The following EYS variants were observed in gnomAD, a reference collection of about 807,000 sequenced individuals.
EYS encodes the protein EGF-like photoreceptor maintenance factor, also known as protein eyes shut homolog.
EYS carries 250 observed loss-of-function variants against 282.1 expected under a neutral mutation model. The ratio of observed to expected loss-of-function variants is 0.89; its 90% CI spans 0.80 to 0.98. The LOEUF is 0.98. Ranked by LOEUF, EYS falls within the 50% of genes least tolerant of loss-of-function variation. The pLI is 0.00. For synonymous variants in EYS, 1,355 were observed against 1,282.9 expected, an observed-to-expected ratio of 1.06 and a Z score of -1.20; for missense variants, 4,016 against 3,709.0, an observed-to-expected ratio of 1.08 and a Z score of -2.15.
At chr6:64,899,757 C>T (rs1477585587) in intron 18 of EYS, among the ~76,000 whole-genome samples, 9 of 152,010 alleles carry the variant, frequency 5.9e-5, no homozygotes, top group East Asian at 1.9e-4. Context: ...AAAAATTCCA[C>T]GCTCATGGAT....
chr6:64,926,543 G>A (rs1768522483), intron 15 of EYS, among the ~76,000 whole-genome samples: 1 of 152,148 alleles, frequency 6.6e-6, no homozygotes, highest in Non-Finnish European at 1.5e-5. Context: ...GTGGGAATGT[G>A]CATCATGGAG....
At chr6:64,708,021 A>G (rs1234060575) in intron 22 of EYS, among the ~76,000 whole-genome samples, 1 of 152,214 alleles carries the variant, frequency 6.6e-6, no homozygotes, top group Non-Finnish European at 1.5e-5. Context: ...AGCACAAAAA[A>G]AAACCCGGAT....
At chr6:65,089,962 T>C (rs937692963) in intron 12 of EYS, among the ~76,000 whole-genome samples, 1 of 120,130 alleles carries the variant, frequency 8.3e-6, no homozygotes, top group African/African-American at 3.3e-5. Context: ...AAAAAAAAAT[T>C]ATATATATAT....
intron 12 of EYS, among the ~76,000 whole-genome samples, chr6:65,160,803 C>T (rs1220862728): frequency 6.6e-6 from 1 of 150,794 alleles, no homozygotes. Flanking sequence ...CTGTGGATAT[C>T]ACGAGAAATT....
intron 31 of EYS, among the ~76,000 whole-genome samples, chr6:64,123,835 G>A (rs1230196003): frequency 6.6e-6 from 1 of 152,152 alleles, no homozygotes; most frequent in Non-Finnish European, 1.5e-5. Flanking sequence ...TTCAAAGATT[G>A]TGCCTTTGGT....
chr6:63,874,699 T>C (rs1049482827), intron 35 of EYS, among the ~76,000 whole-genome samples: 3 of 152,182 alleles, frequency 2.0e-5, no homozygotes, highest in African/African-American at 7.2e-5. Context: ...CCTTTGTAAG[T>C]TGGATTCCGA....
intron 31 of EYS, among the ~76,000 whole-genome samples, chr6:64,109,466 A>T (rs1048013900): frequency 6.6e-6 from 1 of 152,040 alleles, no homozygotes; most frequent in South Asian, 2.1e-4. Flanking sequence ...TTAGTTTGCT[A>T]TATCTATTTT....
chr6:65,060,891 CTG>C (rs1773557386), intron 12 of EYS, among the ~76,000 whole-genome samples: 1 of 151,110 alleles, frequency 6.6e-6, no homozygotes, highest in African/African-American at 2.4e-5. Context: ...TAGCTACTGT[CTG>C]ATATTAGTGC....
At chr6:64,722,769 C>T (rs1771625427) in intron 22 of EYS, among the ~76,000 whole-genome samples, 1 of 152,062 alleles carries the variant, frequency 6.6e-6, no homozygotes, top group African/African-American at 2.4e-5. Flanking sequence ...TTGTAACTAC[C>T]ATTGTTTTCA....
intron 1 of EYS, among the ~76,000 whole-genome samples, chr6:65,656,138 T>A (rs576510916): frequency 2.0e-5 from 3 of 151,866 alleles, no homozygotes; most frequent in Non-Finnish European, 4.4e-5. Context: ...GTATTCTGAC[T>A]GCTCCACCCA....
chr6:63,975,936 T>A (rs898028690), intron 35 of EYS, among the ~76,000 whole-genome samples: 1 of 152,008 alleles, frequency 6.6e-6, no homozygotes, highest in African/African-American at 2.4e-5. Context: ...TGGCATAGCT[T>A]ACTATCCACC....
At chr6:63,834,370 A>G (rs1438858249) in intron 36 of EYS, among the ~76,000 whole-genome samples, 1 of 150,858 alleles carries the variant, frequency 6.6e-6, no homozygotes, top group Non-Finnish European at 1.5e-5. Flanking sequence ...ACAAGAAAAA[A>G]CCCCATCAAA....
intron 5 of EYS, among the ~76,000 whole-genome samples, chr6:65,431,945 G>A (rs1767904361): frequency 6.6e-6 from 1 of 151,970 alleles, no homozygotes. Flanking sequence ...AACTATCTCT[G>A]GTGGGAGGTT....
intron 29 of EYS, among the ~76,000 whole-genome samples, chr6:64,346,105 G>A (rs1427892855): frequency 2.0e-5 from 3 of 152,076 alleles, no homozygotes; most frequent in Non-Finnish European, 4.4e-5. Context: ...CTGTTGGTGG[G>A]ACTGTAAACT....
At chr6:64,919,173 TTTTA>T (rs1768257880) in intron 15 of EYS, among the ~76,000 whole-genome samples, 1 of 151,932 alleles carries the variant, frequency 6.6e-6, no homozygotes, top group African/African-American at 2.4e-5. Context: ...TTTCTTTAAT[TTTTA>T]TTTATTTATT....
At position 65,644,752 on chromosome 6, in the gene EYS, G is replaced by A. The variant is rs546718826; in HGVS notation, c.-447-4860C>T. Among the ~76,000 whole-genome samples the A allele has an allele frequency of 2.0e-5, 3 of 152,260 alleles. No individual in the cohort carries two copies. The South Asian group carries it at 6.2e-4, about 32-fold the overall frequency. ...TCCTGCAAGCCAGAAGAGATTGGGG[G>A]TCCTATTTTTAGCCTCCTTAAACAA... is the stretch of plus-strand genomic sequence containing the variant. On this transcript the variant is annotated intron_variant, in intron 1 of 42. Transcript: ENST00000503581.
chr6:64,899,501 A>T (rs1767580902), intron 18 of EYS, among the ~76,000 whole-genome samples: 1 of 152,200 alleles, frequency 6.6e-6, no homozygotes, highest in Non-Finnish European at 1.5e-5. Flanking sequence ...TAAGCTGATG[A>T]GCAACTTCAG....
chr6:65,254,598 C>T (rs538698757), intron 12 of EYS, among the ~76,000 whole-genome samples: 134 of 151,846 alleles, frequency 8.8e-4, no homozygotes, highest in Non-Finnish European at 2.7e-4. Context: ...TTTGGTTACA[C>T]ATCTTTTAAA....
chr6:64,508,649 A>G (rs917277470), intron 26 of EYS, among the ~76,000 whole-genome samples: 3 of 150,294 alleles, frequency 2.0e-5, no homozygotes, highest in African/African-American at 7.3e-5. Flanking sequence ...GTGGTTTTCA[A>G]TCTTGTTGGT....
Sources: allele counts gnomAD v4.1 joint callset (sites outside exome capture counted in the v4.1 genomes callset), GRCh38; gene constraint gnomAD v4.1.1; transcripts MANE v1.5; gene names NCBI Gene and HGNC (gene_info 2026-07-23, HGNC 2026-07-21).